Variants in COL18A1 observed in about 807,000 individuals in gnomAD.
The protein encoded by COL18A1 is collagen alpha-1(XVIII) chain.
A neutral mutation model predicts 168.0 loss-of-function variants in COL18A1; 133 were observed. That is an observed-to-expected ratio of 0.79 (90% CI 0.69 to 0.91). The LOEUF is 0.91. Ranked by LOEUF, COL18A1 falls within the 40% of genes least tolerant of loss-of-function variation. The probability of loss-of-function intolerance (pLI) is 0.00; values close to 1 mark genes in which losing one functional copy is unlikely to be tolerated. For missense variants in COL18A1, 2,126 were observed against 1,925.4 expected (o/e 1.10, Z -1.95); for synonymous variants, 949 against 809.0 (o/e 1.17, Z -2.94).
chr21:45,475,957 G>A (rs1253253146), intron 5 of COL18A1, among the ~76,000 whole-genome samples: 1 of 152,232 alleles, frequency 6.6e-6, no homozygotes, highest in Non-Finnish European at 1.5e-5. Flanking sequence ...GGCCACCTGA[G>A]AAAACACAGG....
Position 45,486,906 on chromosome 21 carries a change from G to T in COL18A1, c.1747G>T (p.Gly583Cys), listed in dbSNP as rs1053583385. 2.6e-6 allele frequency: 4 copies of T among 1,522,938 alleles called. No homozygotes were observed. In the African/African-American group the frequency reaches 5.6e-5, roughly 21 times the overall value. 94.3% of individuals were successfully genotyped at this position (1,522,938 alleles called of 1,614,324 possible). The change falls in exon 16 of 42, where the codon GGC becomes TGC. Residue 583 changes from glycine (G) to cysteine (C), a missense_variant. Coordinates refer to ENST00000651438, the MANE Select transcript of COL18A1 (RefSeq NM_001379500.1). ...PGPAGARGES[G>C]LAGAPGPAGP... ...TCCTGCTGGTGCTCGTGGGGAGAGC[G>T]GCCTGGCAGGAGCCCCCGGACCTGC...
At chr21:45,469,136 C>T (rs2035321462) in intron 3 of COL18A1, among the ~76,000 whole-genome samples, 1 of 152,328 alleles carries the variant, frequency 6.6e-6, no homozygotes, top group African/African-American at 2.4e-5. Flanking sequence ...ACTAGACATC[C>T]ACCCCAGCCG....
rs1273418053 is a variant in COL18A1 at position 45,473,704 on chromosome 21, C to T, written c.652-191C>T. On this transcript the variant is annotated intron_variant, in intron 3 of 41. Coordinates refer to ENST00000651438, the MANE Select transcript of COL18A1 (RefSeq NM_001379500.1). This position sits in a 1 kb window ranked among gnomAD's most constrained non-coding sequence, Gnocchi z 4.0. ...GCTTTCCACATGAAAGCGCCCAGGACGCCCCTGGGTCTCACCACTTCTTCC... is the reference window on the plus strand; with the variant it reads ...GCTTTCCACATGAAAGCGCCCAGGATGCCCCTGGGTCTCACCACTTCTTCC... 2.0e-5 allele frequency among the ~76,000 whole-genome samples: 3 copies of T among 152,176 alleles called. No individual in the cohort carries two copies. Among genetic ancestry groups the T allele is most frequent in the South Asian group, 2.1e-4 (1 of 4,830 alleles).
intron 41 of COL18A1, 97 bp downstream of exon 41, chr21:45,511,323 C>CAAATCTTATACA (rs1214900549): frequency 9.7e-6 from 7 of 719,990 alleles, no homozygotes; most frequent in Non-Finnish European, 1.8e-5. Flanking sequence ...AGTTTTTGGA[C>CAAATCTTATACA]AAATCTTATA....
rs1602427588 is a variant in COL18A1 at position 45,457,274 on chromosome 21, C to T, written c.107-10968C>T. 1.3e-5 allele frequency among the ~76,000 whole-genome samples: 2 copies of T among 152,334 alleles called. No individual in the cohort carries two copies. Among genetic ancestry groups the T allele is most frequent in the East Asian group, 1.9e-4 (1 of 5,180 alleles). ...GATTCCCGCTCAGGTGTGGCTGCAT[C>T]GACCTTGCTCCGGTCACTAAGCTGC... On this transcript the variant is annotated intron_variant, in intron 2 of 41. Coordinates refer to ENST00000651438, the MANE Select transcript of COL18A1 (RefSeq NM_001379500.1). This position sits in a 1 kb window ranked among gnomAD's most constrained non-coding sequence, Gnocchi z 4.6.
At chr21:45,419,461 G>A (rs935985486) in intron 2 of COL18A1, among the ~76,000 whole-genome samples, 19 of 152,236 alleles carry the variant, frequency 1.2e-4, no homozygotes, top group African/African-American at 3.6e-4. Flanking sequence ...GCTTGGGTCT[G>A]GCTTCCTGGG....
chr21:45,501,362 A>G (rs186086420), intron 32 of COL18A1, among the ~76,000 whole-genome samples: 4 of 152,218 alleles, frequency 2.6e-5, no homozygotes, highest in Non-Finnish European at 4.4e-5. Flanking sequence ...GTCACCTGCG[A>G]AGGTCTCCAG....
At chr21:45,459,502 C>A (rs1216623974) in intron 2 of COL18A1, among the ~76,000 whole-genome samples, 2 of 152,214 alleles carry the variant, frequency 1.3e-5, no homozygotes, top group African/African-American at 2.4e-5. Flanking sequence ...CTCCAGCGCC[C>A]CCTCCACCTC....
chr21:45,510,366 T>A (rs746331987), intron 40 of COL18A1, 105 bp downstream of exon 40: 327 of 1,280,090 alleles, frequency 2.6e-4, no homozygotes, highest in Non-Finnish European at 3.4e-4. Context: ...GAGGCCACCA[T>A]GTTACAGACA....
intron 32 of COL18A1, among the ~76,000 whole-genome samples, chr21:45,503,708 G>C (rs2037000187): frequency 6.6e-6 from 1 of 151,550 alleles, no homozygotes; most frequent in South Asian, 2.1e-4. Flanking sequence ...AGTGGGTGCA[G>C]CACACCAGCA....
In COL18A1 at chr21:45,488,080, A is replaced by G. The variant is rs555193456; in HGVS notation, c.1897-338A>G. The stretch of plus-strand genomic sequence containing the variant: ...CCACCAGCGCTCTCGTGGCGCCAGC[A>G]TGGAGGAGCCCCCGGGGCCACAGCC... On this transcript the variant is annotated intron_variant, in intron 17 of 41. Coordinates refer to ENST00000651438, the MANE Select transcript of COL18A1 (RefSeq NM_001379500.1). Among the ~76,000 whole-genome samples the G allele has an allele frequency of 1.2e-4, 18 of 152,224 alleles. No individual in the cohort carries two copies. In the South Asian group the frequency reaches 3.5e-3, roughly 30 times the overall value.
At chr21:45,491,432 G>A (rs1225369289) in intron 22 of COL18A1, 118 bp downstream of exon 22, 2 of 590,234 alleles carry the variant, frequency 3.4e-6, no homozygotes, top group African/African-American at 5.7e-5. Flanking sequence ...GGCCCTGACT[G>A]CCAGTCTACA....
At chr21:45,501,478 C>T (rs2036821645) in intron 32 of COL18A1, among the ~76,000 whole-genome samples, 1 of 152,142 alleles carries the variant, frequency 6.6e-6, no homozygotes, top group Non-Finnish European at 1.5e-5. Flanking sequence ...GCAGTAGAAG[C>T]AAGTGGGAAG....
rs569431714 is a variant in COL18A1, at chr21:45,477,841, C to T, written c.1097C>T (p.Pro366Leu). Residue 366 changes from proline to leucine, a missense_variant, in exon 8 of 42, where the codon CCG becomes CTG. Pro to Leu is a moderately conservative substitution (Grantham distance 98). Coordinates refer to ENST00000651438, the MANE Select transcript of COL18A1 (RefSeq NM_001379500.1). ...GGATCCCCATGCCTACCTGGTCCCC[C>T]GGGTCTCCCGTGCCCAGTGAGTCCC... ...PPGSPCLPGP[P>L]GLPCPVSPLG... 54 of 1,553,096 alleles carry T rather than the reference C, an allele frequency of 3.5e-5. No individual in the cohort carries two copies. The highest frequency in any genetic ancestry group is 1.9e-4 in the South Asian group (16 of 84,226).
intron 2 of COL18A1, among the ~76,000 whole-genome samples, chr21:45,436,206 C>A (rs927844200): frequency 2.0e-5 from 3 of 152,170 alleles, no homozygotes; most frequent in Admixed American, 6.5e-5. Context: ...GTGATTCTAG[C>A]CCTTGATTTC....
intron 2 of COL18A1, among the ~76,000 whole-genome samples, chr21:45,433,502 G>A (rs2034020952): frequency 6.6e-6 from 1 of 152,182 alleles, no homozygotes; most frequent in Admixed American, 6.5e-5. Flanking sequence ...CAGGTCTCGG[G>A]TGGATTCAGG....
chr21:45,451,624 C>T (rs1025624483), intron 2 of COL18A1, among the ~76,000 whole-genome samples: 10 of 152,184 alleles, frequency 6.6e-5, no homozygotes, highest in African/African-American at 2.2e-4. Flanking sequence ...CGAATGAGGA[C>T]GCCACGTTCT....
chr21:45,454,017 G>A (rs1267469083), intron 2 of COL18A1, among the ~76,000 whole-genome samples: 3 of 152,316 alleles, frequency 2.0e-5, no homozygotes, highest in Admixed American at 6.5e-5. Flanking sequence ...TCTGTTTGGA[G>A]ACTTTCCGGA....
At chr21:45,478,991 C>T (rs145251268) in intron 9 of COL18A1, among the ~76,000 whole-genome samples, 36 of 152,314 alleles carry the variant, frequency 2.4e-4, no homozygotes, top group African/African-American at 8.4e-4. Context: ...CACAGCCAAG[C>T]TGCCTGCGAT....
Sources: gnomAD v4.1 joint callset for allele counts (sites outside exome capture counted in the v4.1 genomes callset) on GRCh38, gnomAD v4.1.1 for gene constraint, Gnocchi (gnomAD v3.1) non-coding constraint, MANE v1.5 for transcripts, NCBI Gene and HGNC (gene_info 2026-07-23, HGNC 2026-07-21) for gene names.